CTIF: variants seen among roughly 807,000 people sequenced by gnomAD.
The protein encoded by CTIF is CBP80/20-dependent translation initiation factor.
CTIF carries 21 observed loss-of-function variants against 66.0 expected under a neutral mutation model. The ratio of observed to expected loss-of-function variants is 0.32; its 90% CI spans 0.23 to 0.46. CTIF has a LOEUF of 0.46. Ranked by LOEUF, CTIF falls within the 20% of genes least tolerant of loss-of-function variation. CTIF has a pLI of 1.00. For missense variants in CTIF, 739 were observed against 812.7 expected, an observed-to-expected ratio of 0.91 and a Z score of 1.10; for synonymous variants, 345 against 326.4, an observed-to-expected ratio of 1.06 and a Z score of -0.62.
intron 3 of CTIF, among the ~76,000 whole-genome samples, chr18:48,656,328 C>T (rs1361966270): frequency 1.3e-5 from 2 of 152,234 alleles, no homozygotes; most frequent in Non-Finnish European, 2.9e-5. Flanking sequence ...TGGTAACTGG[C>T]TCCATGAACA....
rs144129667 is a variant in CTIF at position 48,758,173 on chromosome 18, C to G, written c.839C>G (p.Pro280Arg). ...AAAGAGACCATGACCATCGAGAACC[C>G]AAAACTGGAGGACACTGCAGGGGAC... ...NAKETMTIEN[P>R]KLEDTAGDTG... Residue 280 changes from proline (P) to arginine (R), a missense_variant, in exon 8 of 12, where the codon CCA becomes CGA. Transcript: ENST00000256413. The G allele has an allele frequency of 3.7e-6, 6 of 1,613,988 alleles. No individual in the cohort carries two copies. The highest frequency in any genetic ancestry group is 5.1e-6 in the Non-Finnish European group (6 of 1,180,020).
chr18:48,639,116 C>T (rs182457), intron 3 of CTIF, among the ~76,000 whole-genome samples: 11,251 of 152,314 alleles, frequency 0.074, 493 homozygotes, highest in Non-Finnish European at 0.094. Context: ...GCAGAGTCTG[C>T]GACGCCCATG....
intron 6 of CTIF, among the ~76,000 whole-genome samples, chr18:48,709,776 T>A (rs1020507560): frequency 6.6e-6 from 1 of 152,234 alleles, no homozygotes; most frequent in Non-Finnish European, 1.5e-5. Context: ...ACAAATAATA[T>A]CCTTTGAGAA....
intron 3 of CTIF, among the ~76,000 whole-genome samples, chr18:48,649,108 C>T (rs1397834294): frequency 7.2e-5 from 11 of 152,204 alleles, no homozygotes; most frequent in Admixed American, 7.2e-4. Context: ...ACTGGTTGGA[C>T]AGTGGACGCA....
chr18:48,591,265 C>T (rs1251623693), intron 1 of CTIF, among the ~76,000 whole-genome samples: 1 of 152,248 alleles, frequency 6.6e-6, no homozygotes, highest in Non-Finnish European at 1.5e-5. Context: ...ATCACCCCAC[C>T]TTGTGGGTCC....
intron 10 of CTIF, among the ~76,000 whole-genome samples, chr18:48,831,366 TAGG>T (rs1398185434): frequency 1.3e-5 from 2 of 152,292 alleles, no homozygotes; most frequent in African/African-American, 4.8e-5. Context: ...CCACAATCTT[TAGG>T]AGAAGTCAGG....
intron 5 of CTIF, among the ~76,000 whole-genome samples, chr18:48,666,387 A>G (rs1240861109): frequency 1.3e-5 from 2 of 152,164 alleles, no homozygotes; most frequent in Non-Finnish European, 2.9e-5. Flanking sequence ...TACTTTAGAG[A>G]TGAGGAAAAT....
At chr18:48,654,033 A>G (rs1417710385) in intron 3 of CTIF, among the ~76,000 whole-genome samples, 1 of 152,162 alleles carries the variant, frequency 6.6e-6, no homozygotes, top group African/African-American at 2.4e-5. Flanking sequence ...CTAGAAGAAA[A>G]CCTAGGCAAT....
intron 1 of CTIF, chr18:48,539,835 G>C (rs1225296577): frequency 6.6e-6 from 1 of 152,636 alleles, no homozygotes; most frequent in Non-Finnish European, 1.5e-5. Context: ...CGCCGAGGTA[G>C]GGAGCCCGTC....
chr18:48,807,771 G>A (rs916933661), intron 9 of CTIF, among the ~76,000 whole-genome samples: 4 of 151,924 alleles, frequency 2.6e-5, no homozygotes, highest in African/African-American at 4.8e-5. Context: ...TAGTAGAGAT[G>A]GGGTTTCACC....
chr18:48,569,443 T>G (rs753353883), intron 1 of CTIF, among the ~76,000 whole-genome samples: 2 of 150,526 alleles, frequency 1.3e-5, no homozygotes, highest in East Asian at 3.9e-4. Context: ...TAGATTTACT[T>G]CAAGAAATTC....
At chr18:48,544,279 T>G (rs2088694457) in intron 1 of CTIF, among the ~76,000 whole-genome samples, 1 of 152,234 alleles carries the variant, frequency 6.6e-6, no homozygotes, top group Non-Finnish European at 1.5e-5. Context: ...CCTTTTATAA[T>G]AGGTGGTTAT....
At chr18:48,658,393 A>G (rs2091280697) in intron 3 of CTIF, among the ~76,000 whole-genome samples, 1 of 147,172 alleles carries the variant, frequency 6.8e-6, no homozygotes, top group Non-Finnish European at 1.5e-5. Flanking sequence ...TACCACATGT[A>G]TATATGTGGT....
At position 48,750,482 on chromosome 18, in the gene CTIF, C is replaced by T. The variant is rs576705861; in HGVS notation, c.585-7437C>T. On this transcript the variant is annotated intron_variant, in intron 7 of 11. Transcript: ENST00000256413. ...TCTGCACGCTTTCCTCCCTTCCCCA[C>T]GAGGCAGCAATGAAGCCAGAGGGGC... Among the ~76,000 whole-genome samples, 3 of 152,370 alleles carry T rather than the reference C, an allele frequency of 2.0e-5. No individual in the cohort carries two copies. In the South Asian group the frequency reaches 6.2e-4, roughly 32 times the overall value.
intron 6 of CTIF, among the ~76,000 whole-genome samples, chr18:48,681,246 T>A (rs2091736841): frequency 6.6e-6 from 1 of 151,836 alleles, no homozygotes; most frequent in African/African-American, 2.4e-5. Context: ...GGCTGGGGGG[T>A]CAGGCCCAGG....
chr18:48,820,796 C>T (rs1322540504), intron 10 of CTIF, among the ~76,000 whole-genome samples: 1 of 152,216 alleles, frequency 6.6e-6, no homozygotes, highest in African/African-American at 2.4e-5. Flanking sequence ...CACAGGCCAT[C>T]TCTGAGTGAA....
intron 3 of CTIF, among the ~76,000 whole-genome samples, chr18:48,656,075 C>A (rs1333117552): frequency 2.0e-5 from 3 of 152,262 alleles, no homozygotes; most frequent in Admixed American, 6.5e-5. Context: ...CGCATACCCA[C>A]TCACATTCCA....
At chr18:48,777,145 G>A (rs2146017597) in intron 9 of CTIF, among the ~76,000 whole-genome samples, 1 of 152,230 alleles carries the variant, frequency 6.6e-6, no homozygotes, top group East Asian at 1.9e-4. Flanking sequence ...CACCCGGCGG[G>A]TCTGGCCGGC....
intron 10 of CTIF, among the ~76,000 whole-genome samples, chr18:48,839,346 C>T (rs1265485925): frequency 6.6e-6 from 1 of 152,138 alleles, no homozygotes; most frequent in South Asian, 2.1e-4. Context: ...GAAGCTGTCC[C>T]TGAGCCTCCT....
Sources: allele counts gnomAD v4.1 joint callset (sites outside exome capture counted in the v4.1 genomes callset), GRCh38; gene constraint gnomAD v4.1.1; transcripts MANE v1.5; gene names NCBI Gene and HGNC (gene_info 2026-07-23, HGNC 2026-07-21).